Variants in SIMC1 observed in about 807,000 individuals in gnomAD.
The protein encoded by SIMC1 is SUMO-interacting motif-containing protein 1.
Under a neutral mutation model 82.3 loss-of-function variants are expected in SIMC1, and 55 were observed. The observed-to-expected ratio is 0.67, with a 90% CI of 0.54 to 0.84. The LOEUF is 0.84. Among genes scored for constraint, SIMC1 ranks in the 40% least tolerant of loss-of-function variants. The pLI, the probability that SIMC1 is intolerant of heterozygous loss-of-function variation, is 0.00. For missense variants in SIMC1, 915 were observed against 1,107.2 expected (o/e 0.83, Z 2.46); for synonymous variants, 353 against 426.3 (o/e 0.83, Z 2.12).
intron 6 of SIMC1, 176 bp downstream of exon 6, chr5:176,322,601 A>C: frequency 1.3e-6 from 1 of 776,658 alleles, no homozygotes; most frequent in Non-Finnish European, 1.9e-6. Context: ...AAGGCAGAAC[A>C]AAACCAGGTG....
intron 4 of SIMC1, among the ~76,000 whole-genome samples, chr5:176,311,183 C>T (rs1344363989): frequency 6.6e-6 from 1 of 152,070 alleles, no homozygotes; most frequent in Non-Finnish European, 1.5e-5. Flanking sequence ...TACTACAAAT[C>T]ATTGAATTGT....
chr5:176,253,303 T>C (rs1761749414), intron 1 of SIMC1, among the ~76,000 whole-genome samples: 1 of 152,316 alleles, frequency 6.6e-6, no homozygotes, highest in East Asian at 1.9e-4. Flanking sequence ...CCTTAATATT[T>C]TTTCCTTCAT....
At chr5:176,267,983 C>G (rs900481479) in intron 1 of SIMC1, among the ~76,000 whole-genome samples, 67 of 152,058 alleles carry the variant, frequency 4.4e-4, no homozygotes, top group Admixed American at 1.3e-4. Flanking sequence ...CTCCTGAGCG[C>G]AAGCAATCTG....
chr5:176,332,536 C>T (rs1041868072), intron 7 of SIMC1, among the ~76,000 whole-genome samples: 3 of 152,068 alleles, frequency 2.0e-5, no homozygotes, highest in African/African-American at 4.8e-5. Context: ...GTTATCCACC[C>T]GCCTCAGCCT....
At chr5:176,280,969 T>C (rs375538701) in intron 1 of SIMC1, among the ~76,000 whole-genome samples, 1 of 152,242 alleles carries the variant, frequency 6.6e-6, no homozygotes, top group Admixed American at 6.5e-5. Flanking sequence ...TGAATCTGAA[T>C]GTTGGCCTGC....
intron 7 of SIMC1, among the ~76,000 whole-genome samples, chr5:176,330,422 C>G (rs1765598236): frequency 6.7e-6 from 1 of 149,604 alleles, no homozygotes; most frequent in Non-Finnish European, 1.5e-5. Flanking sequence ...AAAAAGGGAA[C>G]CAGAATTCCT....
chr5:176,336,727 T>A lies in SIMC1; in HGVS notation c.2179T>A (p.Phe727Ile). 1 of 1,613,968 alleles carries A rather than the reference T, an allele frequency of 6.2e-7. No homozygotes were observed. The highest frequency in any genetic ancestry group is 8.5e-7 in the Non-Finnish European group (1 of 1,179,874). The change falls in exon 8 of 10, where the codon TTC (phenylalanine) becomes ATC (isoleucine). Residue 727 changes from phenylalanine (F) to isoleucine (I), a missense_variant. Physicochemically the swap from Phe to Ile is conservative, Grantham distance 21. Transcript: ENST00000429602. ...DIPERSQREM[F>I]FTTMESHLLR... ...TTCCTCTTCTCCACACAGAGAAATG[T>A]TCTTTACTACCATGGAAAGCCACCT...
At chr5:176,338,129 A>G (rs1180885051) in intron 9 of SIMC1, among the ~76,000 whole-genome samples, 2 of 152,242 alleles carry the variant, frequency 1.3e-5, no homozygotes, top group Non-Finnish European at 1.5e-5. Context: ...CCAAAAGTTC[A>G]TGACCTGGAT....
intron 4 of SIMC1, among the ~76,000 whole-genome samples, chr5:176,300,094 C>T (rs1263861981): frequency 2.0e-5 from 3 of 151,988 alleles, no homozygotes; most frequent in East Asian, 1.9e-4. Context: ...ATATGACATA[C>T]GAAAACTTAT....
At chr5:176,277,622 TG>T (rs1762773430) in intron 1 of SIMC1, among the ~76,000 whole-genome samples, 2 of 152,082 alleles carry the variant, frequency 1.3e-5, no homozygotes, top group African/African-American at 4.8e-5. Flanking sequence ...AATTGATTTT[TG>T]TATAAGGTGT....
At chr5:176,299,448 T>C (rs1384190348) in intron 4 of SIMC1, among the ~76,000 whole-genome samples, 1 of 151,444 alleles carries the variant, frequency 6.6e-6, no homozygotes, top group Non-Finnish European at 1.5e-5. Context: ...AGAAAAGATA[T>C]TCCTCACAAC....
chr5:176,243,283 T>G (rs1304064301), intron 1 of SIMC1, among the ~76,000 whole-genome samples: 1 of 152,060 alleles, frequency 6.6e-6, no homozygotes, highest in Non-Finnish European at 1.5e-5. Flanking sequence ...GAATAAGGCA[T>G]TGTCAAAGGG....
chr5:176,310,939 G>A (rs148408635), intron 4 of SIMC1, among the ~76,000 whole-genome samples: 140 of 152,158 alleles, frequency 9.2e-4, no homozygotes, highest in Non-Finnish European at 1.6e-3. Context: ...ATGGGCAGAC[G>A]TTAAAAAAAA....
intron 7 of SIMC1, among the ~76,000 whole-genome samples, chr5:176,325,014 A>G (rs1765316437): frequency 6.6e-6 from 1 of 152,192 alleles, no homozygotes; most frequent in African/African-American, 2.4e-5. Flanking sequence ...GGGAAGAGGC[A>G]CAGTACCCTA....
chr5:176,303,923 A>C (rs1764154468), intron 4 of SIMC1, among the ~76,000 whole-genome samples: 1 of 152,218 alleles, frequency 6.6e-6, no homozygotes, highest in South Asian at 2.1e-4. Context: ...TAAAGACCTG[A>C]ATATAAGACC....
intron 7 of SIMC1, among the ~76,000 whole-genome samples, chr5:176,328,931 T>C (rs1765507629): frequency 6.6e-6 from 1 of 152,156 alleles, no homozygotes; most frequent in African/African-American, 2.4e-5. Flanking sequence ...TTTTATTTTA[T>C]TTTAAAAAAT....
intron 5 of SIMC1, among the ~76,000 whole-genome samples, chr5:176,321,885 C>CTTTTTTTTT (rs11418187): frequency 5.7e-4 from 52 of 90,736 alleles, no homozygotes; most frequent in African/African-American, 9.6e-4. Flanking sequence ...TTTTAGTTAG[C>CTTTTTTTTT]TTTTTTTTTT....
At chr5:176,307,803 A>T (rs1764492887) in intron 4 of SIMC1, among the ~76,000 whole-genome samples, 1 of 152,238 alleles carries the variant, frequency 6.6e-6, no homozygotes, top group Non-Finnish European at 1.5e-5. Context: ...TGAGAATATA[A>T]ATAGTACAGG....
At chr5:176,337,018 CT>C in intron 8 of SIMC1, 43 bp from the exon 9 acceptor site, 1 of 1,604,966 alleles carries the variant, frequency 6.2e-7, no homozygotes, top group South Asian at 1.1e-5. Context: ...AAAATTTTAA[CT>C]GGGGAAGGCA....
Sources: gnomAD v4.1 joint callset for allele counts (sites outside exome capture counted in the v4.1 genomes callset) on GRCh38, gnomAD v4.1.1 for gene constraint, MANE v1.5 for transcripts, NCBI Gene and HGNC (gene_info 2026-07-23, HGNC 2026-07-21) for gene names.